The following NOL4L variants were observed in gnomAD, a reference collection of about 807,000 sequenced individuals.
NOL4L encodes the protein nucleolar protein 4-like.
Under a neutral mutation model 64.5 loss-of-function variants are expected in NOL4L, and 7 were observed. That is an observed-to-expected ratio of 0.11 (90% confidence interval 0.06 to 0.20). The LOEUF is 0.20. NOL4L is among the 10% of genes least tolerant of loss of function. The pLI, the probability that NOL4L is intolerant of heterozygous loss-of-function variation, is 1.00. For missense variants in NOL4L, 680 were observed against 967.1 expected, an observed-to-expected ratio of 0.70 and a Z score of 3.94; for synonymous variants, 413 against 401.0, an observed-to-expected ratio of 1.03 and a Z score of -0.36.
At chr20:32,534,145 C>T (rs779694370) in intron 1 of NOL4L, among the ~76,000 whole-genome samples, 2 of 152,198 alleles carry the variant, frequency 1.3e-5, no homozygotes, top group Non-Finnish European at 2.9e-5. Context: ...CTTCCAGCAA[C>T]GACGAGGCCA....
intron 1 of NOL4L, among the ~76,000 whole-genome samples, chr20:32,541,008 TAC>T (rs10675320): frequency 0.027 from 3,662 of 133,562 alleles, 73 homozygotes; most frequent in African/African-American, 0.044. Flanking sequence ...CGCCACCCCC[TAC>T]ACACACACAC....
chr20:32,484,641 T>C (rs2015972548), intron 4 of NOL4L, among the ~76,000 whole-genome samples: 1 of 151,822 alleles, frequency 6.6e-6, no homozygotes, highest in Admixed American at 6.6e-5. Flanking sequence ...GGCCGGGTCC[T>C]GACGGCGCGC....
At chr20:32,482,382 G>C (rs1357000563) in intron 4 of NOL4L, among the ~76,000 whole-genome samples, 1 of 152,170 alleles carries the variant, frequency 6.6e-6, no homozygotes, top group Admixed American at 6.5e-5. Context: ...ACTTCCCCCA[G>C]GAAGCGCAGC....
At chr20:32,533,444 A>T (rs1475217176) in intron 1 of NOL4L, 1 of 152,214 alleles carries the variant, frequency 6.6e-6, no homozygotes, top group Non-Finnish European at 1.5e-5. Context: ...GATTTTGAGA[A>T]CTGCTGATCA....
chr20:32,485,058 C>CAAAAAAAAAAAAAA (rs57444583), intron 4 of NOL4L, among the ~76,000 whole-genome samples: 118 of 17,788 alleles, frequency 6.6e-3, no homozygotes, highest in Non-Finnish European at 9.3e-3. Context: ...GGGAAATTGC[C>CAAAAAAAAAAAAAA]AAAAAAAAAA....
chr20:32,551,798 T>A (rs1203831380), intron 1 of NOL4L, among the ~76,000 whole-genome samples: 1 of 152,118 alleles, frequency 6.6e-6, no homozygotes, highest in Non-Finnish European at 1.5e-5. Context: ...ATTTATTATT[T>A]TTTTTTTAGG....
chr20:32,484,432 G>T (rs1426683968), intron 4 of NOL4L, among the ~76,000 whole-genome samples: 1 of 151,306 alleles, frequency 6.6e-6, no homozygotes, highest in Non-Finnish European at 1.5e-5. Context: ...GCACCGTCTC[G>T]CTCTTCACTC....
Position 32,464,775 on chromosome 20 carries a change from T to C in NOL4L, c.842-8380A>G, listed in dbSNP as rs1216606314. ...TTTTAAAAAGTAATAAAGAAACAGG[T>C]GAAATCAATTTTAATAATCTACTTT... On this transcript the variant is annotated intron_variant, in intron 5 of 10. Coordinates refer to ENST00000621426, the MANE Select transcript of NOL4L (RefSeq NM_001256798.2). The surrounding 1 kb of genome is among the most constrained non-coding windows in gnomAD (Gnocchi z 5.6). 2.3e-5 allele frequency: 9 copies of C among 385,866 alleles called. No homozygotes were observed. The Admixed American group carries it at 4.0e-4, about 17-fold the overall frequency. 23.9% of individuals were successfully genotyped at this position (385,866 alleles called of 1,614,324 possible).
chr20:32,490,338 C>T (rs2016417928), intron 4 of NOL4L, among the ~76,000 whole-genome samples: 1 of 151,838 alleles, frequency 6.6e-6, no homozygotes, highest in African/African-American at 2.4e-5. Flanking sequence ...GATGTTTCTC[C>T]TGGGGGACTG....
intron 1 of NOL4L, among the ~76,000 whole-genome samples, chr20:32,553,020 C>G (rs1978403488): frequency 6.6e-6 from 1 of 152,146 alleles, no homozygotes; most frequent in African/African-American, 2.4e-5. Context: ...AGGAGATCCC[C>G]TGAGGAATCC....
intron 1 of NOL4L, among the ~76,000 whole-genome samples, chr20:32,531,722 TC>T (rs1249670580): frequency 1.3e-5 from 2 of 152,160 alleles, no homozygotes; most frequent in Admixed American, 6.6e-5. Context: ...AGTTGGATGT[TC>T]CAAGGATCAA....
chr20:32,559,226 T>TC, intron 1 of NOL4L, among the ~76,000 whole-genome samples: 1 of 152,288 alleles, frequency 6.6e-6, no homozygotes, highest in South Asian at 2.1e-4. Flanking sequence ...CTCTCTGGAC[T>TC]CCCAGTGCTC....
intron 5 of NOL4L, among the ~76,000 whole-genome samples, chr20:32,471,414 C>T (rs374139930): frequency 5.3e-4 from 80 of 151,910 alleles, no homozygotes; most frequent in Non-Finnish European, 1.0e-3. Context: ...GGCAAGCTCC[C>T]GGGGAGTGAG....
At chr20:32,512,040 A>T (rs2017430026) in intron 3 of NOL4L, among the ~76,000 whole-genome samples, 1 of 151,558 alleles carries the variant, frequency 6.6e-6, no homozygotes, top group South Asian at 2.1e-4. Context: ...AACCCAGCAA[A>T]CCCACCCCCA....
chr20:32,579,534 C>G (rs1015494690), intron 1 of NOL4L, among the ~76,000 whole-genome samples: 54 of 151,920 alleles, frequency 3.6e-4, no homozygotes, highest in Admixed American at 7.2e-4. Context: ...CCCAGATGGG[C>G]CTTCCAGCCT....
chr20:32,459,264 A>C (rs185731779), intron 5 of NOL4L, among the ~76,000 whole-genome samples: 1,938 of 135,358 alleles, frequency 0.014, 43 homozygotes, highest in African/African-American at 0.051. Flanking sequence ...TTTTTTTTTT[A>C]GGGTCTTGCT....
chr20:32,508,708 C>T (rs1166872133), intron 4 of NOL4L, among the ~76,000 whole-genome samples: 1 of 152,184 alleles, frequency 6.6e-6, no homozygotes, highest in Non-Finnish European at 1.5e-5. Context: ...TTGGCCCTGC[C>T]CCAGCTGGAC....
chr20:32,567,420 G>A (rs1013930762), intron 1 of NOL4L, among the ~76,000 whole-genome samples: 2 of 152,192 alleles, frequency 1.3e-5, no homozygotes, highest in African/African-American at 4.8e-5. Context: ...TGGCCTCCAT[G>A]GAGGATTGTT....
At chr20:32,516,277 A>G (rs1728023420) in intron 3 of NOL4L, among the ~76,000 whole-genome samples, 1 of 151,452 alleles carries the variant, frequency 6.6e-6, no homozygotes, top group African/African-American at 2.4e-5. Context: ...ACCAGCTCAA[A>G]AGGTGGCAAA....
Sources: allele counts gnomAD v4.1 joint callset (sites outside exome capture counted in the v4.1 genomes callset), GRCh38; gene constraint gnomAD v4.1.1; non-coding constraint Gnocchi (gnomAD v3.1); transcripts MANE v1.5; gene names NCBI Gene and HGNC (gene_info 2026-07-23, HGNC 2026-07-21).